The following CAVIN2 variants were observed in gnomAD, a reference collection of about 807,000 sequenced individuals.
CAVIN2 encodes caveolae associated protein 2, also known as caveolae-associated protein 2.
In CAVIN2, 13 loss-of-function variants were observed where a neutral mutation model predicts 11.7. The observed-to-expected ratio is 1.11, with a 90% CI of 0.72 to 1.77. The LOEUF (loss-of-function observed/expected upper bound fraction) is 1.77. Among genes scored for constraint, CAVIN2 ranks in the 40% most tolerant of loss-of-function variants. The probability of loss-of-function intolerance (pLI) is 0.00; values close to 1 mark genes in which losing one functional copy is unlikely to be tolerated. For synonymous variants in CAVIN2, 237 were observed against 223.2 expected (o/e 1.06, Z -0.55); for missense variants, 549 against 542.9 (o/e 1.01, Z -0.11).
In CAVIN2 at chr2:191,836,277, A is replaced by G. The variant is rs771439410; in HGVS notation, c.924T>C (p.His308=). 7.4e-6 allele frequency: 12 copies of G among 1,614,092 alleles called. No individual in the cohort carries two copies. Among genetic ancestry groups the G allele is most frequent in the Non-Finnish European group, 7.6e-6 (9 of 1,180,020 alleles). ...CTTCTGACTTGGTCTCATTTTCTGCATGGCTTTCTCCCTCTCGGACTTTCT... is the reference window on the plus strand; with the variant it reads ...CTTCTGACTTGGTCTCATTTTCTGCGTGGCTTTCTCCCTCTCGGACTTTCT... ...GRKKVREGES[H]AENETKSEDL... is the part of the protein sequence containing the mutation. The change falls in exon 2 of 2, where the codon CAT becomes CAC. Residue 308 remains histidine, a synonymous_variant. Coordinates refer to ENST00000304141, the MANE Select transcript of CAVIN2 (RefSeq NM_004657.6).
In CAVIN2 at chr2:191,846,684, T is replaced by C; in HGVS notation, c.242A>G (p.Gln81Arg). The C allele has an allele frequency of 1.2e-6, 2 of 1,614,210 alleles. No individual in the cohort carries two copies. Among genetic ancestry groups the C allele is most frequent in the Non-Finnish European group, 1.7e-6 (2 of 1,180,026 alleles). Residue 81 changes from glutamine to arginine, a missense_variant, in exon 1 of 2, where the codon CAG (glutamine) becomes CGG (arginine). By Grantham distance (43) the Gln-to-Arg change is conservative (BLOSUM62 1). Transcript: ENST00000304141. ...AVQENQHKMEQRQISLEGSVK... is the reference protein window; with the variant it reads ...AVQENQHKMERRQISLEGSVK... ...GGAGCCCTCCAAACTGATCTGTCGC[T>C]GCTCCATCTTGTGCTGGTTCTCCTG...
At position 191,835,101 on chromosome 2, in the gene CAVIN2, T is replaced by G. The variant is rs1387801580; in HGVS notation, c.*822A>C. On this transcript the variant is annotated 3_prime_UTR_variant, in exon 2 of 2. Transcript: ENST00000304141. ...TTAAAAATATTAGAAAATAAAAATA[T>G]TTTGAAGATGACATGTTATTCCAGG... 6.6e-6 allele frequency: 1 copy of G among 152,070 alleles called. No individual in the cohort carries two copies. The highest frequency in any genetic ancestry group is 2.4e-5 in the African/African-American group (1 of 41,462). The allele number at this position is 152,070 out of a possible 1,614,324, so 9.4% of individuals were successfully genotyped here. A position where few individuals can be genotyped will look rare whatever the true frequency, so the allele number is the denominator to read the frequency against.
rs1690001323 is a variant in CAVIN2 at position 191,835,627 on chromosome 2, T to A, written c.*296A>T. ...TGACTAGTATCTTAATTATCCTCTG[T>A]TTTTTTCTGACTAAGTCAAAGAGAT... On this transcript the variant is annotated 3_prime_UTR_variant, in exon 2 of 2. Transcript: ENST00000304141. The A allele has an allele frequency of 2.8e-6, 1 of 358,262 alleles. No homozygotes were observed. The highest frequency in any genetic ancestry group is 4.2e-5 in the Admixed American group (1 of 23,828). The allele number at this position is 358,262 out of a possible 1,614,324, so 22.2% of individuals were successfully genotyped here.
chr2:191,846,534 C>A lies in CAVIN2; in HGVS notation c.392G>T (p.Arg131Leu), dbSNP rs373902541. ...VSAHTRAVKE[R>L]MDRQCAQVKR... ...CACCTGTGCGCACTGCCTATCCATG[C>A]GCTCTTTGACCGCGCGCGTGTGGGC... is the stretch of plus-strand genomic sequence containing the variant. The change falls in exon 1 of 2, where the codon CGC (arginine) becomes CTC (leucine). Residue 131 changes from arginine (R) to leucine (L), a missense_variant. Coordinates refer to ENST00000304141, the MANE Select transcript of CAVIN2 (RefSeq NM_004657.6). 1.2e-6 allele frequency: 2 copies of A among 1,614,144 alleles called. No homozygotes were observed. The highest frequency in any genetic ancestry group is 1.7e-6 in the Non-Finnish European group (2 of 1,180,064).
Position 191,846,474 on chromosome 2 carries a change from C to T in CAVIN2, c.452G>A (p.Arg151Gln), listed in dbSNP as rs988925546. ...GATGAGCACTTTGAAATGGTTGCGTCGGAGGAGCTGGGCGTGGTTGTTCTC... is the reference window on the plus strand; with the variant it reads ...GATGAGCACTTTGAAATGGTTGCGTTGGAGGAGCTGGGCGTGGTTGTTCTC... ...RLENNHAQLL[R>Q]RNHFKVLIFQ... Residue 151 changes from arginine to glutamine, a missense_variant, in exon 1 of 2, where the codon CGA (arginine) becomes CAA (glutamine). By Grantham distance (43) the Arg-to-Gln change is conservative (BLOSUM62 1). Transcript: ENST00000304141. The T allele has an allele frequency of 1.5e-5, 24 of 1,613,528 alleles. No homozygotes were observed. Among genetic ancestry groups the T allele is most frequent in the Admixed American group, 3.3e-5 (2 of 59,998 alleles).
chr2:191,838,387 T>C (rs1690050469), intron 1 of CAVIN2, among the ~76,000 whole-genome samples: 1 of 152,236 alleles, frequency 6.6e-6, no homozygotes, highest in African/African-American at 2.4e-5. Context: ...TGTCTCCCCT[T>C]ATACACACTA....
intron 1 of CAVIN2, among the ~76,000 whole-genome samples, chr2:191,845,203 G>C (rs575782292): frequency 2.8e-4 from 43 of 152,312 alleles, no homozygotes; most frequent in African/African-American, 1.0e-3. Flanking sequence ...GAGGACATAG[G>C]CTCCCTAAAC....
chr2:191,846,574 A>C lies in CAVIN2; in HGVS notation c.352T>G (p.Ser118Ala). 6.2e-7 allele frequency: 1 copy of C among 1,614,200 alleles called. No homozygotes were observed. The highest frequency in any genetic ancestry group is 8.5e-7 in the Non-Finnish European group (1 of 1,180,040). ...SNTVSKLLEK[S>A]RKVSAHTRAV... ...CGCGTGTGGGCGCTGACCTTGCGGG[A>C]CTTCTCCAGCAGCTTGCTCACCGTG... The change falls in exon 1 of 2, where the codon TCC becomes GCC. Residue 118 changes from serine (S) to alanine (A), a missense_variant. Physicochemically the swap from Ser to Ala is moderately conservative, Grantham distance 99 (BLOSUM62 1). Coordinates refer to ENST00000304141, the MANE Select transcript of CAVIN2 (RefSeq NM_004657.6).
intron 1 of CAVIN2, among the ~76,000 whole-genome samples, chr2:191,840,350 G>A (rs141918959): frequency 3.7e-4 from 57 of 152,254 alleles, no homozygotes; most frequent in Middle Eastern, 3.4e-3. Context: ...GCTTCCTTTG[G>A]TAGTTCTGCC....
intron 1 of CAVIN2, among the ~76,000 whole-genome samples, chr2:191,840,378 G>A (rs1335692354): frequency 1.3e-5 from 2 of 152,196 alleles, no homozygotes; most frequent in East Asian, 1.9e-4. Context: ...GGCCCCAAGA[G>A]AGCTGATTAT....
chr2:191,836,648 C>T lies in CAVIN2; in HGVS notation c.553G>A (p.Glu185Lys). ...AGGGATTTGTTTTCATCCGGAAGCT[C>T]CTCCTTCCCTTCCACGGCACCGGAA... is the stretch of plus-strand genomic sequence containing the variant. ...PVSGAVEGKE[E>K]LPDENKSLEE... is the part of the protein sequence containing the mutation. Residue 185 changes from glutamate to lysine, a missense_variant, in exon 2 of 2, where the codon GAG becomes AAG. Transcript: ENST00000304141. The T allele has an allele frequency of 6.2e-7, 1 of 1,614,046 alleles. No homozygotes were observed. Among genetic ancestry groups the T allele is most frequent in the East Asian group, 2.2e-5 (1 of 44,886 alleles).
Position 191,834,787 on chromosome 2 carries a change from C to T in CAVIN2, c.*1136G>A, listed in dbSNP as rs1189968235. On this transcript the variant is annotated 3_prime_UTR_variant, in exon 2 of 2. Transcript: ENST00000304141. Reference sequence around the variant, plus strand: ...TCTGGAATGAAATTCCCATTATGTACAAAAAAAGAAAAAATAGAATCTTTC... The same window carrying T: ...TCTGGAATGAAATTCCCATTATGTATAAAAAAAGAAAAAATAGAATCTTTC... 6.6e-6 allele frequency: 1 copy of T among 151,430 alleles called. No homozygotes were observed. Among genetic ancestry groups the T allele is most frequent in the Non-Finnish European group, 1.5e-5 (1 of 67,836 alleles). 9.4% of individuals were successfully genotyped at this position (151,430 alleles called of 1,614,324 possible). A position where few individuals can be genotyped will look rare whatever the true frequency, so the allele number is the denominator to read the frequency against.
intron 1 of CAVIN2, among the ~76,000 whole-genome samples, chr2:191,844,928 C>A (rs1326705553): frequency 2.0e-5 from 3 of 152,158 alleles, no homozygotes; most frequent in African/African-American, 7.2e-5. Context: ...CTGATTCATA[C>A]TGGAAGCAGG....
In CAVIN2 at chr2:191,835,952, C is replaced by A; in HGVS notation, c.1249G>T (p.Ala417Ser). 1 of 1,613,268 alleles carries A rather than the reference C, an allele frequency of 6.2e-7. No homozygotes were observed. Among genetic ancestry groups the A allele is most frequent in the South Asian group, 1.1e-5 (1 of 91,032 alleles). ...ERSDGDPVQPAVLQVHQTS is the reference protein window; with the variant it reads ...ERSDGDPVQPSVLQVHQTS ...GAGGTCTGGTGCACCTGGAGCACGGCGGGCTGCACGGGGTCCCCATCGGAG... is the reference window on the plus strand; with the variant it reads ...GAGGTCTGGTGCACCTGGAGCACGGAGGGCTGCACGGGGTCCCCATCGGAG... The change falls in exon 2 of 2, where the codon GCC (alanine) becomes TCC (serine). Residue 417 changes from alanine (A) to serine (S), a missense_variant. Coordinates refer to ENST00000304141, the MANE Select transcript of CAVIN2 (RefSeq NM_004657.6).
At position 191,836,165 on chromosome 2, in the gene CAVIN2, G is replaced by C. The variant is rs1249035680; in HGVS notation, c.1036C>G (p.Leu346Val). The change falls in exon 2 of 2, where the codon CTG becomes GTG. Residue 346 changes from leucine (L) to valine (V), a missense_variant. Transcript: ENST00000304141. The stretch of plus-strand genomic sequence containing the variant: ...TCCTCTGCAATTTCCCCTTCCACCA[G>C]AGCGCTGGCGAGGGACGCTTCGGAA... Reference protein sequence around the residue: ...GHSEASLASALVEGEIAEEAA... With the variant: ...GHSEASLASAVVEGEIAEEAA... 1.2e-6 allele frequency: 2 copies of C among 1,614,010 alleles called. No homozygotes were observed. Among genetic ancestry groups the C allele is most frequent in the East Asian group, 2.2e-5 (1 of 44,886 alleles).
In CAVIN2 at chr2:191,846,724, T is replaced by G. The variant is rs1174551714; in HGVS notation, c.202A>C (p.Met68Leu). ...TGGTTCTCCTGCACAGCGTCTAGCA[T>G]GTTCACCAGCTTGTCCAGGAGCGTG... ...VLTLLDKLVN[M>L]LDAVQENQHK... Residue 68 changes from methionine (M) to leucine (L), a missense_variant, in exon 1 of 2, where the codon ATG becomes CTG. By Grantham distance (15) the Met-to-Leu change is conservative. Transcript: ENST00000304141. 6.2e-7 allele frequency: 1 copy of G among 1,614,112 alleles called. No individual in the cohort carries two copies. The highest frequency in any genetic ancestry group is 1.3e-5 in the African/African-American group (1 of 74,942).
rs140023509 is a variant in CAVIN2, at chr2:191,846,554, G to A, written c.372C>T (p.His124=). The change falls in exon 1 of 2, where the codon CAC becomes CAT. Residue 124 remains histidine (H), a synonymous_variant. Transcript: ENST00000304141. ...CCATGCGCTCTTTGACCGCGCGCGT[G>A]TGGGCGCTGACCTTGCGGGACTTCT... ...LLEKSRKVSA[H]TRAVKERMDR... The A allele has an allele frequency of 1.9e-6, 3 of 1,614,278 alleles. No homozygotes were observed. In the Admixed American group the frequency reaches 5.0e-5, roughly 27 times the overall value.
At position 191,836,570 on chromosome 2, in the gene CAVIN2, C is replaced by T. The variant is rs367846421; in HGVS notation, c.631G>A (p.Asp211Asn). The T allele has an allele frequency of 6.2e-7, 1 of 1,614,024 alleles. No homozygotes were observed. The highest frequency in any genetic ancestry group is 1.3e-5 in the African/African-American group (1 of 74,910). The change falls in exon 2 of 2, where the codon GAT (aspartate) becomes AAT (asparagine). Residue 211 changes from aspartate to asparagine, a missense_variant. Coordinates refer to ENST00000304141, the MANE Select transcript of CAVIN2 (RefSeq NM_004657.6). The stretch of plus-strand genomic sequence containing the variant: ...GCACTGTCTTCCAGGGCCTCCTCAT[C>T]GTGGGGCAAATCATCATCTGAGGAG... Reference protein sequence around the residue: ...DLSSDDDLPHDEEALEDSAEE... With the variant: ...DLSSDDDLPHNEEALEDSAEE...
Position 191,835,660 on chromosome 2 carries a change from T to G in CAVIN2, c.*263A>C. 2.3e-6 allele frequency: 1 copy of G among 439,698 alleles called. No homozygotes were observed. 27.2% of individuals were successfully genotyped at this position (439,698 alleles called of 1,614,324 possible). On this transcript the variant is annotated 3_prime_UTR_variant, in exon 2 of 2. Coordinates refer to ENST00000304141, the MANE Select transcript of CAVIN2 (RefSeq NM_004657.6). ...TGACTAAGTCAAAGAGATTAGCATT[T>G]TTCAACTGCTCAGTTTCTTCTTCAA...
Sources: allele counts gnomAD v4.1 joint callset (sites outside exome capture counted in the v4.1 genomes callset), GRCh38; gene constraint gnomAD v4.1.1; transcripts MANE v1.5; gene names NCBI Gene and HGNC (gene_info 2026-07-23, HGNC 2026-07-21).